PRKN: variants seen among roughly 807,000 people sequenced by gnomAD.
The protein encoded by PRKN is parkin RBR E3 ubiquitin protein ligase.
PRKN carries 56 observed loss-of-function variants against 59.5 expected under a neutral mutation model. The observed-to-expected ratio is 0.94, with a 90% CI of 0.76 to 1.18. The LOEUF (loss-of-function observed/expected upper bound fraction) is 1.18. Among genes scored for constraint, PRKN ranks in the 50% most tolerant of loss-of-function variants. PRKN has a pLI of 0.00. For missense variants in PRKN, 657 were observed against 596.4 expected, an observed-to-expected ratio of 1.10 and a Z score of -1.06; for synonymous variants, 250 against 222.1, an observed-to-expected ratio of 1.13 and a Z score of -1.12.
At position 161,401,839 on chromosome 6, in the gene PRKN, T is replaced by C. The variant is rs910049140; in HGVS notation, c.1084-14962A>G. Among the ~76,000 whole-genome samples the C allele has an allele frequency of 2.9e-4, 44 of 152,136 alleles. No homozygotes were observed. Among genetic ancestry groups the C allele is most frequent in the Admixed American group, 5.2e-4 (8 of 15,274 alleles). ...AACCTCTGCCCTAAATGATTATTCA[T>C]GAATGTTCTGGCTCAAAGGAGGAGA... On this transcript the variant is annotated intron_variant, in intron 9 of 11. Transcript: ENST00000366898. The surrounding 1 kb of genome is among the most constrained non-coding windows in gnomAD (Gnocchi z 4.4).
chr6:161,695,794 G>A (rs1785996419), intron 7 of PRKN, among the ~76,000 whole-genome samples: 1 of 152,176 alleles, frequency 6.6e-6, no homozygotes, highest in Non-Finnish European at 1.5e-5. Flanking sequence ...AATCATGAGA[G>A]CACAGGACAT....
At chr6:161,482,806 G>A (rs993722072) in intron 9 of PRKN, among the ~76,000 whole-genome samples, 1 of 152,080 alleles carries the variant, frequency 6.6e-6, no homozygotes, top group Non-Finnish European at 1.5e-5. Flanking sequence ...TTTTACAAGG[G>A]TTTCCTAGAG....
intron 1 of PRKN, among the ~76,000 whole-genome samples, chr6:162,652,867 T>G (rs1778498362): frequency 6.6e-6 from 1 of 152,206 alleles, no homozygotes; most frequent in Non-Finnish European, 1.5e-5. Context: ...AAATTCCTTC[T>G]AAATGACTAA....
At chr6:161,573,848 C>T (rs1781029359) in intron 7 of PRKN, among the ~76,000 whole-genome samples, 1 of 126,984 alleles carries the variant, frequency 7.9e-6, no homozygotes, top group Admixed American at 9.0e-5. Flanking sequence ...TCTTTACAAG[C>T]GGTCTTTTAT....
intron 4 of PRKN, among the ~76,000 whole-genome samples, chr6:162,157,216 C>A (rs1441679425): frequency 6.6e-6 from 1 of 151,910 alleles, no homozygotes; most frequent in Non-Finnish European, 1.5e-5. Context: ...CCACCACACC[C>A]CTGTACCCTG....
chr6:161,641,611 A>T (rs1783741441), intron 7 of PRKN, among the ~76,000 whole-genome samples: 1 of 151,798 alleles, frequency 6.6e-6, no homozygotes, highest in Admixed American at 6.6e-5. Flanking sequence ...TGTGAATGAA[A>T]CTCTTTCTCT....
chr6:162,000,853 GT>G (rs966111261), intron 5 of PRKN, among the ~76,000 whole-genome samples: 3 of 10,988 alleles, frequency 2.7e-4, no homozygotes, highest in Non-Finnish European at 4.3e-4. Flanking sequence ...AGATTTTTTT[GT>G]TTTTGCATGT....
chr6:161,919,729 C>A (rs1292122915), intron 6 of PRKN, among the ~76,000 whole-genome samples: 2 of 152,164 alleles, frequency 1.3e-5, no homozygotes, highest in Non-Finnish European at 2.9e-5. Flanking sequence ...TGCCACAGAG[C>A]AAATGCTCAC....
chr6:161,510,622 C>G (rs1036731139), intron 9 of PRKN, among the ~76,000 whole-genome samples: 1 of 152,282 alleles, frequency 6.6e-6, no homozygotes, highest in East Asian at 1.9e-4. Flanking sequence ...ATGCTTTACC[C>G]TAATTACACA....
At chr6:162,566,315 GA>G (rs995472357) in intron 1 of PRKN, among the ~76,000 whole-genome samples, 5 of 92,416 alleles carry the variant, frequency 5.4e-5, no homozygotes, top group African/African-American at 2.5e-4. Context: ...AAATTGAAAT[GA>G]AAAAAATACA....
At chr6:162,026,542 G>T (rs780829785) in intron 5 of PRKN, among the ~76,000 whole-genome samples, 12 of 152,124 alleles carry the variant, frequency 7.9e-5, no homozygotes, top group Non-Finnish European at 1.2e-4. Flanking sequence ...AGATGCTTTT[G>T]CTGTAAATAT....
chr6:161,781,138 T>C (rs1583156658), intron 7 of PRKN, among the ~76,000 whole-genome samples: 2 of 152,370 alleles, frequency 1.3e-5, no homozygotes. Flanking sequence ...TCTCAGCTTC[T>C]GGTTACTAGT....
chr6:162,606,997 G>C (rs1280401022), intron 1 of PRKN, among the ~76,000 whole-genome samples: 1 of 152,130 alleles, frequency 6.6e-6, no homozygotes, highest in East Asian at 1.9e-4. Context: ...ATAGGTGTGA[G>C]CCATGGTGCC....
intron 1 of PRKN, among the ~76,000 whole-genome samples, chr6:162,514,008 T>G (rs972339450): frequency 6.6e-6 from 1 of 151,432 alleles, no homozygotes; most frequent in Non-Finnish European, 1.5e-5. Context: ...ATTGCACCAC[T>G]GCACTCTAGC....
intron 9 of PRKN, among the ~76,000 whole-genome samples, chr6:161,511,144 A>C (rs1222881981): frequency 6.6e-6 from 1 of 152,238 alleles, no homozygotes; most frequent in Non-Finnish European, 1.5e-5. Context: ...ACTAGGAAGA[A>C]AAATAAATGT....
intron 2 of PRKN, among the ~76,000 whole-genome samples, chr6:162,317,936 T>G (rs9458517): frequency 0.26 from 39,283 of 151,784 alleles, 6,594 homozygotes; most frequent in East Asian, 0.59. Flanking sequence ...AATCTACCTT[T>G]TTAGTCATTT....
chr6:162,539,565 C>A (rs1778843319), intron 1 of PRKN, among the ~76,000 whole-genome samples: 1 of 152,166 alleles, frequency 6.6e-6, no homozygotes, highest in African/African-American at 2.4e-5. Flanking sequence ...GGACACATTC[C>A]TTTGTTTTAC....
In PRKN at chr6:161,475,426, T is replaced by C. The variant is rs569807578; in HGVS notation, c.1083+73428A>G. On this transcript the variant is annotated intron_variant, in intron 9 of 11. Coordinates refer to ENST00000366898, the MANE Select transcript of PRKN (RefSeq NM_004562.3). The surrounding 1 kb of genome is among the most constrained non-coding windows in gnomAD (Gnocchi z 5.3). ...AGGTAAACTCAGCAAAAATGTTCTT[T>C]GCACTGGTATTTCTTTAAACAATAA... is the stretch of plus-strand genomic sequence containing the variant. Among the ~76,000 whole-genome samples the C allele has an allele frequency of 2.0e-5, 3 of 152,374 alleles. No homozygotes were observed. The East Asian group carries it at 5.8e-4, about 29-fold the overall frequency.
At chr6:161,517,767 A>AAAAG (rs1562499851) in intron 9 of PRKN, among the ~76,000 whole-genome samples, 1 of 140,172 alleles carries the variant, frequency 7.1e-6, no homozygotes, top group African/African-American at 2.6e-5. Flanking sequence ...AAAAAAAAAG[A>AAAAG]GTTGAGGTGG....
Sources: gnomAD v4.1 joint callset for allele counts (sites outside exome capture counted in the v4.1 genomes callset) on GRCh38, gnomAD v4.1.1 for gene constraint, Gnocchi (gnomAD v3.1) non-coding constraint, MANE v1.5 for transcripts, NCBI Gene and HGNC (gene_info 2026-07-23, HGNC 2026-07-21) for gene names.